Variants in PEBP4 observed in about 807,000 individuals in gnomAD.
PEBP4 encodes the protein phosphatidylethanolamine binding protein 4.
Under a neutral mutation model 23.9 loss-of-function variants are expected in PEBP4, and 22 were observed. The ratio of observed to expected loss-of-function variants is 0.92; its 90% confidence interval spans 0.66 to 1.31. The LOEUF (loss-of-function observed/expected upper bound fraction) is 1.31, where lower values mean the gene tolerates loss of function less well. PEBP4 is among the 40% of genes most tolerant of loss of function. The probability of loss-of-function intolerance (pLI) is 0.00; values close to 1 mark genes in which losing one functional copy is unlikely to be tolerated. For missense variants in PEBP4, 324 were observed against 281.7 expected (o/e 1.15, Z -1.07); for synonymous variants, 112 against 99.3 (o/e 1.13, Z -0.76).
At chr8:22,722,594 G>A (rs899380201) in intron 6 of PEBP4, among the ~76,000 whole-genome samples, 2 of 152,180 alleles carry the variant, frequency 1.3e-5, no homozygotes, top group Middle Eastern at 3.2e-3. Context: ...ATTACAACCT[G>A]CTTTGCATTG....
At chr8:22,897,293 C>A (rs1808606900) in intron 3 of PEBP4, among the ~76,000 whole-genome samples, 1 of 152,168 alleles carries the variant, frequency 6.6e-6, no homozygotes, top group African/African-American at 2.4e-5. Context: ...AGTCACCACA[C>A]TGCAACGGGA....
At chr8:22,863,977 C>T (rs1807831713) in intron 3 of PEBP4, among the ~76,000 whole-genome samples, 1 of 152,168 alleles carries the variant, frequency 6.6e-6, no homozygotes, top group East Asian at 1.9e-4. Context: ...ACTGTAAGGG[C>T]TTCCTAACCC....
chr8:22,865,836 AACTCCCGACAAG>A lies in PEBP4; in HGVS notation c.259-48113_259-48102del, dbSNP rs1807890213. On this transcript the variant is annotated intron_variant, in intron 3 of 6. Transcript: ENST00000256404. The surrounding 1 kb of genome is among the most constrained non-coding windows in gnomAD (Gnocchi z 6.9). ...TAGAGGGACCCCCACCCCGGGCTCG[AACTCCCGACAAG>A]ACTGAGCGCAGGGCCCACCCCGGCT... is the stretch of plus-strand genomic sequence containing the variant. Among the ~76,000 whole-genome samples the A allele has an allele frequency of 6.6e-6, 1 of 152,134 alleles. No individual in the cohort carries two copies. The highest frequency in any genetic ancestry group is 6.5e-5 in the Admixed American group (1 of 15,280).
chr8:22,786,650 G>A (rs1806034972), intron 4 of PEBP4, among the ~76,000 whole-genome samples: 1 of 152,062 alleles, frequency 6.6e-6, no homozygotes, highest in Non-Finnish European at 1.5e-5. Context: ...GCAGCTTGGG[G>A]GAGCAAAAAG....
At chr8:22,802,139 T>C (rs1400558977) in intron 4 of PEBP4, among the ~76,000 whole-genome samples, 3 of 152,100 alleles carry the variant, frequency 2.0e-5, no homozygotes, top group Non-Finnish European at 4.4e-5. Context: ...CTCCTCCTCG[T>C]CTCTCTGCGA....
At chr8:22,911,519 A>C (rs1808938565) in intron 3 of PEBP4, among the ~76,000 whole-genome samples, 1 of 152,224 alleles carries the variant, frequency 6.6e-6, no homozygotes, top group African/African-American at 2.4e-5. Flanking sequence ...GTTTTAACAA[A>C]TAACACATGA....
At chr8:22,798,273 T>C (rs1028350424) in intron 4 of PEBP4, among the ~76,000 whole-genome samples, 13 of 152,140 alleles carry the variant, frequency 8.5e-5, no homozygotes, top group African/African-American at 3.1e-4. Context: ...GCTAGCAAAT[T>C]CCTAGAGAGA....
At chr8:22,909,815 T>TG in intron 3 of PEBP4, among the ~76,000 whole-genome samples, 1 of 152,158 alleles carries the variant, frequency 6.6e-6, no homozygotes, top group Non-Finnish European at 1.5e-5. Flanking sequence ...CTGTGCTGGG[T>TG]GGCTGCAAGG....
At chr8:22,814,810 T>C (rs552202088) in intron 4 of PEBP4, among the ~76,000 whole-genome samples, 1 of 152,288 alleles carries the variant, frequency 6.6e-6, no homozygotes, top group East Asian at 1.9e-4. Context: ...TTTAACAAGA[T>C]AGTATTCACT....
intron 4 of PEBP4, among the ~76,000 whole-genome samples, chr8:22,785,103 T>A (rs1176416076): frequency 6.6e-6 from 1 of 152,192 alleles, no homozygotes; most frequent in East Asian, 1.9e-4. Context: ...CAGGCCTAGA[T>A]GCTGCTCCCG....
At chr8:22,850,556 C>T (rs540061218) in intron 3 of PEBP4, among the ~76,000 whole-genome samples, 2 of 150,684 alleles carry the variant, frequency 1.3e-5, no homozygotes, top group South Asian at 2.1e-4. Context: ...CCATGGCAAG[C>T]GTGTGTGTGT....
chr8:22,729,506 T>C (rs7823067), intron 4 of PEBP4, among the ~76,000 whole-genome samples: 26,631 of 152,250 alleles, frequency 0.17, 2,509 homozygotes, highest in Middle Eastern at 0.22. Flanking sequence ...AGAGCTGCAG[T>C]GGGTGGAAAG....
intron 4 of PEBP4, among the ~76,000 whole-genome samples, chr8:22,780,363 C>A (rs919760033): frequency 7.9e-5 from 12 of 152,124 alleles, no homozygotes; most frequent in Non-Finnish European, 1.8e-4. Context: ...GTTTCTCGAC[C>A]TTTTCAATAG....
chr8:22,806,484 A>G (rs1585283109), intron 4 of PEBP4, among the ~76,000 whole-genome samples: 1 of 152,052 alleles, frequency 6.6e-6, no homozygotes, highest in African/African-American at 2.4e-5. Context: ...GTGTGGTGGC[A>G]TGTGCATGTA....
intron 4 of PEBP4, among the ~76,000 whole-genome samples, chr8:22,759,238 C>T (rs1357539206): frequency 1.3e-5 from 2 of 148,236 alleles, no homozygotes; most frequent in African/African-American, 5.0e-5. Flanking sequence ...GAAGAGACCC[C>T]GCATAGACGG....
chr8:22,830,637 G>A (rs1353935395), intron 3 of PEBP4, among the ~76,000 whole-genome samples: 1 of 152,142 alleles, frequency 6.6e-6, no homozygotes, highest in East Asian at 1.9e-4. Context: ...GTATTCCAGA[G>A]TTTCCTATTT....
intron 3 of PEBP4, among the ~76,000 whole-genome samples, chr8:22,847,005 T>C (rs561301873): frequency 5.9e-5 from 9 of 152,008 alleles, no homozygotes; most frequent in African/African-American, 2.2e-4. Flanking sequence ...CTACAAAAAA[T>C]TTTTAAAAAA....
chr8:22,892,519 G>A (rs749020595), intron 3 of PEBP4, among the ~76,000 whole-genome samples: 3 of 152,112 alleles, frequency 2.0e-5, no homozygotes, highest in Non-Finnish European at 4.4e-5. Context: ...GTATTAACTA[G>A]TTTTCTGCTT....
At chr8:22,768,871 C>T (rs967909204) in intron 4 of PEBP4, among the ~76,000 whole-genome samples, 6 of 152,162 alleles carry the variant, frequency 3.9e-5, no homozygotes, top group African/African-American at 7.2e-5. Flanking sequence ...CCGAAGGAAC[C>T]GCCCGTTCCT....
Sources: allele counts gnomAD v4.1 joint callset (sites outside exome capture counted in the v4.1 genomes callset), GRCh38; gene constraint gnomAD v4.1.1; non-coding constraint Gnocchi (gnomAD v3.1); transcripts MANE v1.5; gene names NCBI Gene and HGNC (gene_info 2026-07-23, HGNC 2026-07-21).